MAD1L1: variants seen among roughly 807,000 people sequenced by gnomAD.
MAD1L1 encodes mitotic arrest deficient 1 like 1.
A neutral mutation model predicts 96.9 loss-of-function variants in MAD1L1; 95 were observed. That is an observed-to-expected ratio of 0.98 (90% CI 0.83 to 1.16). MAD1L1 has a LOEUF of 1.16. MAD1L1 is among the 50% of genes most tolerant of loss of function. The pLI is 0.00. For synonymous variants in MAD1L1, 473 were observed against 396.6 expected (o/e 1.19, Z -2.29); for missense variants, 1,007 against 954.4 (o/e 1.06, Z -0.73).
At chr7:2,087,732 G>A (rs953406211) in intron 11 of MAD1L1, among the ~76,000 whole-genome samples, 1 of 152,174 alleles carries the variant, frequency 6.6e-6, no homozygotes, top group Non-Finnish European at 1.5e-5. Flanking sequence ...CCTCTTTGTT[G>A]TAAAAGGAAT....
At chr7:1,850,328 C>T (rs1344056607) in intron 18 of MAD1L1, among the ~76,000 whole-genome samples, 4 of 152,286 alleles carry the variant, frequency 2.6e-5, no homozygotes, top group East Asian at 1.9e-4. Flanking sequence ...TTCTATCTTA[C>T]GAGGCGCCCA....
At chr7:1,860,960 T>G (rs975609334) in intron 18 of MAD1L1, among the ~76,000 whole-genome samples, 11 of 152,280 alleles carry the variant, frequency 7.2e-5, no homozygotes, top group African/African-American at 2.6e-4. Flanking sequence ...CTGGAGGGGC[T>G]AGTCTATAGG....
At chr7:1,865,121 G>A (rs1784718316) in intron 18 of MAD1L1, among the ~76,000 whole-genome samples, 1 of 152,154 alleles carries the variant, frequency 6.6e-6, no homozygotes, top group Non-Finnish European at 1.5e-5. Flanking sequence ...CAGAGCAGGT[G>A]ACCAGGCCCA....
At chr7:2,195,306 A>C (rs1361867335) in intron 10 of MAD1L1, among the ~76,000 whole-genome samples, 1 of 152,248 alleles carries the variant, frequency 6.6e-6, no homozygotes, top group Non-Finnish European at 1.5e-5. Context: ...AGTCAATAAA[A>C]AGTGAGCTTT....
chr7:2,226,173 A>C (rs929578906), intron 3 of MAD1L1, among the ~76,000 whole-genome samples: 1 of 152,222 alleles, frequency 6.6e-6, no homozygotes, highest in African/African-American at 2.4e-5. Context: ...CAGGGAGTGG[A>C]TCAAGCCCAC....
intron 11 of MAD1L1, among the ~76,000 whole-genome samples, 163 bp from the exon 12 acceptor site, chr7:2,069,501 C>G (rs1178611754): frequency 6.6e-6 from 1 of 152,188 alleles, no homozygotes; most frequent in East Asian, 1.9e-4. Flanking sequence ...TACTTAAGGC[C>G]TTTCAGGAGT....
At chr7:2,030,604 C>T (rs1324056303) in intron 12 of MAD1L1, among the ~76,000 whole-genome samples, 2 of 152,188 alleles carry the variant, frequency 1.3e-5, no homozygotes, top group Non-Finnish European at 2.9e-5. Flanking sequence ...AGGAGTGGAA[C>T]CTGCCCATCT....
intron 10 of MAD1L1, among the ~76,000 whole-genome samples, chr7:2,181,920 A>G (rs1281004722): frequency 6.6e-6 from 1 of 152,128 alleles, no homozygotes; most frequent in African/African-American, 2.4e-5. Context: ...TAAGCGAAGA[A>G]ACTCAGGAAT....
At chr7:2,095,007 G>A (rs1786410634) in intron 11 of MAD1L1, among the ~76,000 whole-genome samples, 1 of 152,096 alleles carries the variant, frequency 6.6e-6, no homozygotes. Context: ...TTTTCAAACT[G>A]AGCAATCATT....
chr7:2,146,827 G>A lies in MAD1L1; in HGVS notation c.1073+2325C>T, dbSNP rs537002615. Among the ~76,000 whole-genome samples the A allele has an allele frequency of 1.6e-3, 243 of 152,278 alleles. No individual in the cohort carries two copies. Among genetic ancestry groups the A allele is most frequent in the African/African-American group, 5.8e-3 (239 of 41,540 alleles). On this transcript the variant is annotated intron_variant, in intron 11 of 18. Coordinates refer to ENST00000265854, the MANE Select transcript of MAD1L1 (RefSeq NM_001013836.2). This position sits in a 1 kb window ranked among gnomAD's most constrained non-coding sequence, Gnocchi z 6.2. ...TAGAAATGTGCTCAGCTGTTCAACC[G>A]TGCGAGGCTCCCTGACCCCGCCACG...
intron 11 of MAD1L1, among the ~76,000 whole-genome samples, chr7:2,122,145 C>G (rs575775173): frequency 6.4e-4 from 97 of 152,360 alleles, no homozygotes; most frequent in African/African-American, 2.3e-3. Context: ...GAAAAGCCAT[C>G]ACCAAGAGAG....
At chr7:2,072,312 C>T (rs541608394) in intron 11 of MAD1L1, among the ~76,000 whole-genome samples, 3 of 152,316 alleles carry the variant, frequency 2.0e-5, no homozygotes, top group Admixed American at 6.5e-5. Flanking sequence ...TTGACTGCTG[C>T]GACGTGAGAG....
chr7:1,955,937 C>A (rs1351657192), intron 16 of MAD1L1, among the ~76,000 whole-genome samples: 2 of 132,250 alleles, frequency 1.5e-5, no homozygotes, highest in Non-Finnish European at 3.0e-5. Flanking sequence ...GTATAACTTC[C>A]ATCTTAGACT....
chr7:1,917,976 A>G (rs1788519588), intron 17 of MAD1L1, among the ~76,000 whole-genome samples: 1 of 152,154 alleles, frequency 6.6e-6, no homozygotes, highest in Non-Finnish European at 1.5e-5. Context: ...AGAGCCCAGC[A>G]GACTAGATGT....
At chr7:2,172,755 C>A (rs1183235532) in intron 10 of MAD1L1, among the ~76,000 whole-genome samples, 1 of 152,232 alleles carries the variant, frequency 6.6e-6, no homozygotes, top group Non-Finnish European at 1.5e-5. Context: ...TGAGAACCCA[C>A]GTGGCTGGCC....
Position 1,940,990 on chromosome 7 carries a change from C to CCAGGCCTCACCCTCCTCTTCCTCCCCCCG in MAD1L1, c.1597-4094_1597-4093insCGGGGGGAGGAAGAGGAGGGTGAGGCCTG, listed in dbSNP as rs1562545541. Among the ~76,000 whole-genome samples the CCAGGCCTCACCCTCCTCTTCCTCCCCCCG allele has an allele frequency of 3.7e-3, 519 of 139,356 alleles. 4 individuals carry two copies. Among genetic ancestry groups the CCAGGCCTCACCCTCCTCTTCCTCCCCCCG allele is most frequent in the African/African-American group, 4.3e-3 (149 of 34,430 alleles). 91.4% of individuals were successfully genotyped at this position (139,356 alleles called of 152,430 possible). On this transcript the variant is annotated intron_variant, in intron 16 of 18. Transcript: ENST00000265854. Reference sequence around the variant, plus strand: ...CAGGCCTCACCCTCCTCTTCCTCTCCCAGGCCTCAGCCTCCTCTTCCTCCC... The same window carrying CCAGGCCTCACCCTCCTCTTCCTCCCCCCG: ...CAGGCCTCACCCTCCTCTTCCTCTCCCAGGCCTCACCCTCCTCTTCCTCCCCCCGCAGGCCTCAGCCTCCTCTTCCTCCC...
intron 11 of MAD1L1, among the ~76,000 whole-genome samples, chr7:2,143,128 C>T (rs1007022447): frequency 6.6e-6 from 1 of 152,044 alleles, no homozygotes; most frequent in Non-Finnish European, 1.5e-5. Flanking sequence ...GAGCCAGCAC[C>T]GTCCACAGGC....
At position 1,829,043 on chromosome 7, in the gene MAD1L1, C is replaced by T. The variant is rs571755652; in HGVS notation, c.1999-12815G>A. Among the ~76,000 whole-genome samples the T allele has an allele frequency of 5.3e-5, 8 of 152,236 alleles. No individual in the cohort carries two copies. The East Asian group carries it at 7.7e-4, about 15-fold the overall frequency. ...AACAGATGAGAAAAAGAAAGAAAAGCGCATACAAACAAAAAGGAAAAAACG... is the reference window on the plus strand; with the variant it reads ...AACAGATGAGAAAAAGAAAGAAAAGTGCATACAAACAAAAAGGAAAAAACG... On this transcript the variant is annotated intron_variant, in intron 18 of 18. Coordinates refer to ENST00000265854, the MANE Select transcript of MAD1L1 (RefSeq NM_001013836.2).
At chr7:1,907,066 A>T (rs1787680715) in intron 17 of MAD1L1, among the ~76,000 whole-genome samples, 1 of 151,526 alleles carries the variant, frequency 6.6e-6, no homozygotes, top group South Asian at 2.1e-4. Context: ...TAACAGGGTC[A>T]CTGTGAGAGC....
Sources: gnomAD v4.1 joint callset for allele counts (sites outside exome capture counted in the v4.1 genomes callset) on GRCh38, gnomAD v4.1.1 for gene constraint, Gnocchi (gnomAD v3.1) non-coding constraint, MANE v1.5 for transcripts, NCBI Gene and HGNC (gene_info 2026-07-23, HGNC 2026-07-21) for gene names.